TG: variants seen among roughly 807,000 people sequenced by gnomAD.
The protein encoded by TG is thyroglobulin, also known as thyroid hormones.
A neutral mutation model predicts 324.7 loss-of-function variants in TG; 270 were observed. That is an observed-to-expected ratio of 0.83 (90% CI 0.75 to 0.92). TG has a LOEUF of 0.92. Among genes scored for constraint, TG ranks in the 40% least tolerant of loss-of-function variants. The probability of loss-of-function intolerance (pLI) is 0.00; values close to 1 mark genes in which losing one functional copy is unlikely to be tolerated. For missense variants in TG, 3,591 were observed against 3,456.4 expected (o/e 1.04, Z -0.98); for synonymous variants, 1,401 against 1,327.0 (o/e 1.06, Z -1.21).
At chr8:132,953,708 G>C (rs1826433374) in intron 27 of TG, among the ~76,000 whole-genome samples, 1 of 152,158 alleles carries the variant, frequency 6.6e-6, no homozygotes. Context: ...CATCAGCAAT[G>C]AGTGATGGCT....
intron 41 of TG, among the ~76,000 whole-genome samples, chr8:133,051,419 G>C (rs1246195973): frequency 6.6e-6 from 1 of 152,130 alleles, no homozygotes; most frequent in Non-Finnish European, 1.5e-5. Context: ...GACACTTTTG[G>C]GGAAGGAGTG....
intron 20 of TG, among the ~76,000 whole-genome samples, chr8:132,917,250 G>A (rs1820468923): frequency 6.6e-6 from 1 of 152,094 alleles, no homozygotes; most frequent in South Asian, 2.1e-4. Context: ...ATCCTGTGAA[G>A]AAGCCTGTTA....
chr8:132,946,059 C>T (rs1343624536), intron 26 of TG, among the ~76,000 whole-genome samples: 4 of 151,900 alleles, frequency 2.6e-5, no homozygotes, highest in African/African-American at 7.3e-5. Flanking sequence ...CACACACACA[C>T]ACACACACAC....
Position 132,871,523 on chromosome 8 carries a change from G to A in TG, c.450G>A (p.Gly150=). The A allele has an allele frequency of 2.5e-6, 4 of 1,614,012 alleles. No individual in the cohort carries two copies. Among genetic ancestry groups the A allele is most frequent in the African/African-American group, 1.3e-5 (1 of 75,040 alleles). The change falls in exon 4 of 48, where the codon GGG becomes GGA. Residue 150 remains glycine (G), a synonymous_variant. Coordinates refer to ENST00000220616, the MANE Select transcript of TG (RefSeq NM_003235.5). ...ACGCAGAGGGGATGGAGGTGTATGG[G>A]ACCCGCCAGCTGGGGAGGCCAAAGC... ...CVDAEGMEVY[G]TRQLGRPKRC... is the part of the protein sequence containing the mutation.
At chr8:133,019,933 T>C (rs980771942) in intron 39 of TG, among the ~76,000 whole-genome samples, 1 of 152,192 alleles carries the variant, frequency 6.6e-6, no homozygotes, top group Non-Finnish European at 1.5e-5. Flanking sequence ...TTCCATAGTG[T>C]CAGGAAGAAG....
At chr8:132,911,599 C>T in intron 19 of TG, 66 bp downstream of exon 19, 5 of 1,374,816 alleles carry the variant, frequency 3.6e-6, no homozygotes, top group Non-Finnish European at 5.2e-6. Context: ...GTTTTCTCAT[C>T]TGCCAAATGG....
intron 35 of TG, among the ~76,000 whole-genome samples, chr8:133,001,174 A>T (rs1436277749): frequency 1.3e-5 from 2 of 152,130 alleles, no homozygotes; most frequent in Non-Finnish European, 2.9e-5. Flanking sequence ...CTACCCCAAT[A>T]AGGTCACATC....
At chr8:132,898,277 A>AC (rs1563926724) in intron 13 of TG, 31 bp downstream of exon 13, 1 of 1,560,026 alleles carries the variant, frequency 6.4e-7, no homozygotes, top group Non-Finnish European at 8.7e-7. Context: ...TCTCCTCCTG[A>AC]CCCCCCTTGG....
intron 41 of TG, among the ~76,000 whole-genome samples, chr8:133,082,558 G>A (rs1010038079): frequency 1.3e-5 from 2 of 152,232 alleles, no homozygotes; most frequent in South Asian, 2.1e-4. Context: ...TGGGCACCGG[G>A]AAAGTGGAAA....
chr8:133,102,643 T>G (rs987053915), intron 43 of TG: 1 of 1,344,708 alleles, frequency 7.4e-7, no homozygotes, highest in Middle Eastern at 1.8e-4. Flanking sequence ...AAATTCTTCA[T>G]CAGTCGCTGT....
intron 41 of TG, chr8:133,047,043 GT>G (rs1839555018): frequency 6.6e-6 from 1 of 152,206 alleles, no homozygotes; most frequent in African/African-American, 2.4e-5. Flanking sequence ...AACCCTAGCT[GT>G]TAAGTATTTG....
In TG at chr8:133,101,888, C is replaced by G. The variant is rs867241146; in HGVS notation, c.7572+5515C>G. Among the ~76,000 whole-genome samples, 19 of 152,184 alleles carry G rather than the reference C, an allele frequency of 1.2e-4. 1 individual carries two copies. The highest frequency in any genetic ancestry group is 3.9e-4 in the African/African-American group (16 of 41,436). On this transcript the variant is annotated intron_variant, in intron 43 of 47. Coordinates refer to ENST00000220616, the MANE Select transcript of TG (RefSeq NM_003235.5). ...CAGGAACTGACCAGGACCCCGCTCC[C>G]TTGGTCATGTGTCAACACAGCAGGG...
At chr8:133,121,344 T>C (rs979154682) in intron 45 of TG, among the ~76,000 whole-genome samples, 1 of 152,148 alleles carries the variant, frequency 6.6e-6, no homozygotes, top group Non-Finnish European at 1.5e-5. Context: ...AGGGGGCAGG[T>C]CTGAGCCTCC....
rs557381964 is a variant in TG at position 132,897,546 on chromosome 8, A to G, written c.3002-103A>G. 1.5e-3 allele frequency: 2,154 copies of G among 1,474,984 alleles called. 2 individuals are homozygous for G. The highest frequency in any genetic ancestry group is 1.8e-3 in the Non-Finnish European group (1,922 of 1,060,394). The allele number at this position is 1,474,984 out of a possible 1,614,324, so 91.4% of individuals were successfully genotyped here. On this transcript the variant is annotated intron_variant, in intron 11 of 47. Coordinates refer to ENST00000220616, the MANE Select transcript of TG (RefSeq NM_003235.5). ...ATGTTTGTCAAATAAATAAATAAGA[A>G]GGCCTCCTTATGTTGGAACCAGGAC...
chr8:132,868,404 G>T (rs1839171265), intron 2 of TG, 181 bp downstream of exon 2: 2 of 675,612 alleles, frequency 3.0e-6, no homozygotes, highest in South Asian at 3.4e-5. Context: ...CTGCCTTTCA[G>T]TTCCCCAAGC....
chr8:132,993,318 A>T (rs147270014), intron 35 of TG, among the ~76,000 whole-genome samples: 172 of 152,344 alleles, frequency 1.1e-3, no homozygotes, highest in African/African-American at 4.0e-3. Flanking sequence ...GCCACATGGG[A>T]TATGAGTTTG....
chr8:132,877,670 T>C (rs16904763), intron 5 of TG, among the ~76,000 whole-genome samples: 4,711 of 152,290 alleles, frequency 0.031, 175 homozygotes, highest in East Asian at 0.087. Flanking sequence ...CTAGGTTGGC[T>C]GTAATCTGAG....
At chr8:132,954,870 A>T (rs1388972808) in intron 27 of TG, among the ~76,000 whole-genome samples, 1 of 152,180 alleles carries the variant, frequency 6.6e-6, no homozygotes, top group Non-Finnish European at 1.5e-5. Flanking sequence ...TATGATCATT[A>T]TTCAGATCTG....
At chr8:132,968,990 G>T (rs1288200123) in intron 31 of TG, among the ~76,000 whole-genome samples, 2 of 152,144 alleles carry the variant, frequency 1.3e-5, no homozygotes, top group Non-Finnish European at 2.9e-5. Flanking sequence ...TTCTTCCGTG[G>T]TGGGGAGAGG....
Sources: allele counts gnomAD v4.1 joint callset (sites outside exome capture counted in the v4.1 genomes callset), GRCh38; gene constraint gnomAD v4.1.1; transcripts MANE v1.5; gene names NCBI Gene and HGNC (gene_info 2026-07-23, HGNC 2026-07-21).